THADA: variants seen among roughly 807,000 people sequenced by gnomAD.
THADA encodes tRNA (32-2'-O)-methyltransferase regulator THADA.
Under a neutral mutation model 219.8 loss-of-function variants are expected in THADA, and 213 were observed. The ratio of observed to expected loss-of-function variants is 0.97; its 90% confidence interval spans 0.87 to 1.09. THADA has a LOEUF of 1.09. Ranked by LOEUF, THADA falls within the 50% of genes least tolerant of loss-of-function variation. The pLI is 0.00. For missense variants in THADA, 2,956 were observed against 2,311.3 expected (o/e 1.28, Z -5.72); for synonymous variants, 1,018 against 828.9 (o/e 1.23, Z -3.92).
chr2:43,488,056 C>T (rs1334338731), intron 25 of THADA, among the ~76,000 whole-genome samples: 1 of 151,898 alleles, frequency 6.6e-6, no homozygotes, highest in Non-Finnish European at 1.5e-5. Context: ...ATTTGGTTAC[C>T]CTGTTCATCA....
intron 36 of THADA, among the ~76,000 whole-genome samples, chr2:43,265,322 A>T (rs1480524467): frequency 6.6e-6 from 1 of 152,256 alleles, no homozygotes; most frequent in Non-Finnish European, 1.5e-5. Flanking sequence ...ACAGCTTCAA[A>T]GTATAAAAAT....
chr2:43,394,217 A>T (rs1673749146), intron 29 of THADA, among the ~76,000 whole-genome samples: 1 of 152,218 alleles, frequency 6.6e-6, no homozygotes, highest in Admixed American at 6.5e-5. Context: ...ATCTCAACAC[A>T]GCAATTATGA....
At chr2:43,275,331 T>C (rs1236483738) in intron 36 of THADA, among the ~76,000 whole-genome samples, 1 of 152,008 alleles carries the variant, frequency 6.6e-6, no homozygotes, top group African/African-American at 2.4e-5. Flanking sequence ...GCCTCACAAA[T>C]GGAGACGGGA....
rs1352714191 is a variant in THADA, at chr2:43,527,858, A to T, written c.3374+21T>A. On this transcript the variant is annotated intron_variant, in intron 22 of 37. Coordinates refer to ENST00000405975, the MANE Select transcript of THADA (RefSeq NM_022065.5). ...TATATTTAGTCTTTTTAAAACGTACACAAAAGGATATTTGTTTTACCTGTT... is the reference window on the plus strand; with the variant it reads ...TATATTTAGTCTTTTTAAAACGTACTCAAAAGGATATTTGTTTTACCTGTT... 9 of 1,523,222 alleles carry T rather than the reference A, an allele frequency of 5.9e-6. No homozygotes were observed. The South Asian group carries it at 9.2e-5, about 16-fold the overall frequency. 94.4% of individuals were successfully genotyped at this position (1,523,222 alleles called of 1,614,324 possible).
At chr2:43,252,123 T>C (rs139968841) in intron 36 of THADA, among the ~76,000 whole-genome samples, 1 of 152,322 alleles carries the variant, frequency 6.6e-6, no homozygotes, top group Non-Finnish European at 1.5e-5. Context: ...GACCTGGCCT[T>C]CTTCAATGAC....
intron 28 of THADA, among the ~76,000 whole-genome samples, chr2:43,427,564 ACACAC>A (rs1269459777): frequency 6.6e-6 from 1 of 150,698 alleles, no homozygotes; most frequent in Non-Finnish European, 1.5e-5. Flanking sequence ...ATACACGCAC[ACACAC>A]AATAGTTATA....
At chr2:43,542,118 T>C (rs1432262558) in intron 20 of THADA, among the ~76,000 whole-genome samples, 2 of 152,240 alleles carry the variant, frequency 1.3e-5, no homozygotes, top group Non-Finnish European at 2.9e-5. Flanking sequence ...TTGGTACTGA[T>C]ATTTTTTTAA....
rs182482187 is a variant in THADA at position 43,427,849 on chromosome 2, C to T, written c.4058+251G>A. 6.6e-3 allele frequency among the ~76,000 whole-genome samples: 976 copies of T among 148,964 alleles called. 13 individuals are homozygous for T. Among genetic ancestry groups the T allele is most frequent in the African/African-American group, 0.022 (914 of 40,922 alleles). On this transcript the variant is annotated intron_variant, in intron 28 of 37. Coordinates refer to ENST00000405975, the MANE Select transcript of THADA (RefSeq NM_022065.5). ...CGGGTGCCTGTAGCCCCAGCTACTC[C>T]GGAGGCTGAGGCAGAAGAATGGCGT...
At chr2:43,255,903 AC>A (rs2104167266) in intron 36 of THADA, among the ~76,000 whole-genome samples, 1 of 152,294 alleles carries the variant, frequency 6.6e-6, no homozygotes, top group African/African-American at 2.4e-5. Context: ...CAGCCATTTG[AC>A]GTGTGTAGCC....
chr2:43,309,321 A>G (rs1677226157), intron 31 of THADA, among the ~76,000 whole-genome samples: 1 of 152,220 alleles, frequency 6.6e-6, no homozygotes, highest in Admixed American at 6.5e-5. Flanking sequence ...CATATGATCC[A>G]GTAACCCCTT....
At position 43,590,958 on chromosome 2, in the gene THADA, T is replaced by C. The variant is rs1487195346; in HGVS notation, c.172-4A>G. On this transcript the variant is annotated splice_polypyrimidine_tract_variant and splice_region_variant and intron_variant, in intron 3 of 37. Transcript: ENST00000405975. ...CTTTCTCCAGCAGAGGCACAATCTA[T>C]AATACAAAACATTGAAGTAATTTTT... is the stretch of plus-strand genomic sequence containing the variant. The C allele has an allele frequency of 1.2e-6, 2 of 1,608,360 alleles. No homozygotes were observed. Among genetic ancestry groups the C allele is most frequent in the African/African-American group, 1.3e-5 (1 of 74,522 alleles).
intron 24 of THADA, among the ~76,000 whole-genome samples, chr2:43,503,580 C>T (rs926147292): frequency 6.6e-6 from 1 of 152,096 alleles, no homozygotes; most frequent in South Asian, 2.1e-4. Context: ...GCATAACTAA[C>T]GGTCTCTGTA....
chr2:43,398,148 A>C lies in THADA; in HGVS notation c.4059-9T>G. 1 of 1,612,684 alleles carries C rather than the reference A, an allele frequency of 6.2e-7. No individual in the cohort carries two copies. The highest frequency in any genetic ancestry group is 8.5e-7 in the Non-Finnish European group (1 of 1,179,046). On this transcript the variant is annotated splice_polypyrimidine_tract_variant and intron_variant, in intron 28 of 37. Transcript: ENST00000405975. ...CAGGTGAGTGACCACACCTGGGGAG[A>C]AATAAAAACACAAGACCATTCAATA...
Position 43,574,576 on chromosome 2 carries a change from G to T in THADA, c.1489C>A (p.Leu497Ile), listed in dbSNP as rs768767513. Residue 497 changes from leucine (L) to isoleucine (I), a missense_variant, in exon 11 of 38, where the codon CTC becomes ATC. Physicochemically the swap from Leu to Ile is conservative, Grantham distance 5. Coordinates refer to ENST00000405975, the MANE Select transcript of THADA (RefSeq NM_022065.5). ...DQSLVPYASDLLETMFRNHKS... is the reference protein window; with the variant it reads ...DQSLVPYASDILETMFRNHKS... ...TGATTTCTAAACATGGTTTCCAAGA[G>T]GTCACTTGCATAAGGTACCAATGAC... 6.2e-7 allele frequency: 1 copy of T among 1,613,930 alleles called. No individual in the cohort carries two copies. Among genetic ancestry groups the T allele is most frequent in the Non-Finnish European group, 8.5e-7 (1 of 1,179,878 alleles).
At chr2:43,541,402 A>T in intron 20 of THADA, 86 bp from the exon 21 acceptor site, 2 of 1,503,906 alleles carry the variant, frequency 1.3e-6, no homozygotes, top group Non-Finnish European at 1.8e-6. Flanking sequence ...AATTTCCCCA[A>T]GAATAATCTG....
chr2:43,396,880 G>C (rs1239904764), intron 29 of THADA, among the ~76,000 whole-genome samples: 1 of 152,024 alleles, frequency 6.6e-6, no homozygotes, highest in Non-Finnish European at 1.5e-5. Context: ...GGGGGAATTA[G>C]TTATGAAATA....
At chr2:43,582,028 A>G (rs1464072844) in intron 7 of THADA, 100 bp from the exon 8 acceptor site, 5 of 810,118 alleles carry the variant, frequency 6.2e-6, no homozygotes, top group Non-Finnish European at 9.1e-6. Flanking sequence ...AAGGCCCAAA[A>G]TCAATTTTAA....
chr2:43,568,253 T>C (rs1698909785), intron 14 of THADA, among the ~76,000 whole-genome samples: 1 of 152,220 alleles, frequency 6.6e-6, no homozygotes, highest in Admixed American at 6.5e-5. Flanking sequence ...AAAAGTACTC[T>C]AGTTACTAAT....
At chr2:43,274,636 C>T (rs1014948676) in intron 36 of THADA, among the ~76,000 whole-genome samples, 2 of 152,038 alleles carry the variant, frequency 1.3e-5, no homozygotes, top group African/African-American at 4.8e-5. Context: ...AGGGTGCTGT[C>T]GAGAAGATGG....
Sources: gnomAD v4.1 joint callset for allele counts (sites outside exome capture counted in the v4.1 genomes callset) on GRCh38, gnomAD v4.1.1 for gene constraint, MANE v1.5 for transcripts, NCBI Gene and HGNC (gene_info 2026-07-23, HGNC 2026-07-21) for gene names.